Variants in MAGI3 observed in about 807,000 individuals in gnomAD.
MAGI3 encodes membrane associated guanylate kinase, WW and PDZ domain containing 3, also known as membrane-associated guanylate kinase, WW and PDZ domain-containing protein 3.
In MAGI3, 43 loss-of-function variants were observed where a neutral mutation model predicts 121.8. That is an observed-to-expected ratio of 0.35 (90% confidence interval 0.28 to 0.46). The LOEUF is 0.46. Among genes scored for constraint, MAGI3 ranks in the 20% least tolerant of loss-of-function variants. The pLI, the probability that MAGI3 is intolerant of heterozygous loss-of-function variation, is 1.00. For synonymous variants in MAGI3, 553 were observed against 639.3 expected, an observed-to-expected ratio of 0.86 and a Z score of 2.04; for missense variants, 1,547 against 1,797.3, an observed-to-expected ratio of 0.86 and a Z score of 2.52.
At chr1:113,644,447 A>AT (rs1652724285) in intron 11 of MAGI3, among the ~76,000 whole-genome samples, 2 of 151,932 alleles carry the variant, frequency 1.3e-5, no homozygotes, top group African/African-American at 2.4e-5. Flanking sequence ...CACCCAGCTA[A>AT]TTTTTTTGTA....
intron 1 of MAGI3, among the ~76,000 whole-genome samples, chr1:113,395,249 A>G (rs1017275778): frequency 6.6e-6 from 1 of 151,532 alleles, no homozygotes; most frequent in African/African-American, 2.4e-5. Flanking sequence ...CCTTTTTTAA[A>G]ACAAGAAAAT....
chr1:113,670,302 A>C (rs977784511), intron 16 of MAGI3, among the ~76,000 whole-genome samples: 6 of 152,206 alleles, frequency 3.9e-5, no homozygotes, highest in South Asian at 2.1e-4. Flanking sequence ...AGATACAAGA[A>C]ACTTTTCAAT....
At chr1:113,536,312 T>C (rs1329864655) in intron 1 of MAGI3, among the ~76,000 whole-genome samples, 1 of 152,142 alleles carries the variant, frequency 6.6e-6, no homozygotes, top group African/African-American at 2.4e-5. Flanking sequence ...GTTGGTGCTT[T>C]TTCAACACTG....
At chr1:113,436,811 CTT>C (rs1026496354) in intron 1 of MAGI3, among the ~76,000 whole-genome samples, 3 of 124,124 alleles carry the variant, frequency 2.4e-5, no homozygotes, top group Admixed American at 8.2e-5. Context: ...TAAAGACAGT[CTT>C]TTTTTTTTTT....
chr1:113,682,262 G>A, intron 20 of MAGI3: 1 of 1,608,956 alleles, frequency 6.2e-7, no homozygotes, highest in Non-Finnish European at 8.5e-7. Flanking sequence ...GCAACATTAA[G>A]GCTTTCAGGG....
intron 1 of MAGI3, among the ~76,000 whole-genome samples, chr1:113,417,513 A>G (rs1365552469): frequency 6.6e-6 from 1 of 152,132 alleles, no homozygotes; most frequent in East Asian, 1.9e-4. Flanking sequence ...TCCTGGGCTC[A>G]TGGTAGCTTA....
chr1:113,598,229 C>G (rs555329287), intron 6 of MAGI3, among the ~76,000 whole-genome samples: 1 of 151,042 alleles, frequency 6.6e-6, no homozygotes, highest in African/African-American at 2.4e-5. Flanking sequence ...CCCACCCCCC[C>G]TCCAAAAAAA....
At chr1:113,487,310 C>T (rs1656427877) in intron 1 of MAGI3, among the ~76,000 whole-genome samples, 1 of 152,154 alleles carries the variant, frequency 6.6e-6, no homozygotes, top group Admixed American at 6.5e-5. Flanking sequence ...AAGAATAGAA[C>T]AGATAAGCTT....
intron 1 of MAGI3, among the ~76,000 whole-genome samples, chr1:113,438,179 G>A (rs574663341): frequency 6.6e-6 from 1 of 151,946 alleles, no homozygotes; most frequent in Admixed American, 6.6e-5. Flanking sequence ...TCCAATTTAT[G>A]GGCTTAAGCA....
intron 9 of MAGI3, among the ~76,000 whole-genome samples, chr1:113,638,657 A>T (rs1268171139): frequency 6.6e-6 from 1 of 152,192 alleles, no homozygotes; most frequent in East Asian, 1.9e-4. Flanking sequence ...GGTGCCTCCC[A>T]GTTAGGCTGC....
chr1:113,532,362 A>G (rs966548582), intron 1 of MAGI3, among the ~76,000 whole-genome samples: 7 of 151,372 alleles, frequency 4.6e-5, no homozygotes, highest in Non-Finnish European at 1.0e-4. Context: ...CAGTATTTAT[A>G]TATATATTAT....
chr1:113,547,409 G>C (rs1456901994), intron 1 of MAGI3, among the ~76,000 whole-genome samples: 1 of 151,972 alleles, frequency 6.6e-6, no homozygotes, highest in Non-Finnish European at 1.5e-5. Flanking sequence ...AAAATATGTT[G>C]TATAGCAGAT....
intron 1 of MAGI3, among the ~76,000 whole-genome samples, chr1:113,469,588 A>G (rs559422292): frequency 1.3e-5 from 2 of 152,144 alleles, no homozygotes; most frequent in South Asian, 4.1e-4. Context: ...TGGGAAAAGT[A>G]TAAAGAAAGT....
chr1:113,408,669 A>T (rs952960144), intron 1 of MAGI3, among the ~76,000 whole-genome samples: 8 of 152,108 alleles, frequency 5.3e-5, no homozygotes, highest in Non-Finnish European at 8.8e-5. Flanking sequence ...TTAACCCAAT[A>T]GAGCATTATG....
chr1:113,472,492 A>G (rs1655588808), intron 1 of MAGI3, among the ~76,000 whole-genome samples: 1 of 152,112 alleles, frequency 6.6e-6, no homozygotes, highest in Non-Finnish European at 1.5e-5. Flanking sequence ...CATTTAAAAT[A>G]ATTGTTGATA....
chr1:113,564,218 C>T (rs190989024), intron 2 of MAGI3, among the ~76,000 whole-genome samples: 137 of 152,234 alleles, frequency 9.0e-4, no homozygotes, highest in Non-Finnish European at 1.6e-3. Flanking sequence ...GCTGATCTTA[C>T]GTGGAGTGCC....
chr1:113,639,314 C>T (rs1298637600), intron 9 of MAGI3, among the ~76,000 whole-genome samples: 1 of 152,254 alleles, frequency 6.6e-6, no homozygotes, highest in African/African-American at 2.4e-5. Context: ...AGAAATCACC[C>T]ATCTTCTGCG....
chr1:113,607,945 C>G (rs984285419), intron 6 of MAGI3, among the ~76,000 whole-genome samples: 30 of 152,082 alleles, frequency 2.0e-4, no homozygotes, highest in African/African-American at 7.2e-4. Context: ...TTTCTTCTGC[C>G]AGGAATCAGT....
At chr1:113,586,404 A>G (rs1296368589) in intron 4 of MAGI3, among the ~76,000 whole-genome samples, 2 of 152,164 alleles carry the variant, frequency 1.3e-5, no homozygotes, top group African/African-American at 4.8e-5. Context: ...CATTTTCCCA[A>G]AGCACCCTAA....
Sources: gnomAD v4.1 joint callset for allele counts (sites outside exome capture counted in the v4.1 genomes callset) on GRCh38, gnomAD v4.1.1 for gene constraint, MANE v1.5 for transcripts, NCBI Gene and HGNC (gene_info 2026-07-23, HGNC 2026-07-21) for gene names.